AKAP19: variants seen among roughly 807,000 people sequenced by gnomAD.
AKAP19 encodes small A-kinase anchoring protein.
At chr2:189,990,274 C>T in the AKAP19 span, among the ~76,000 whole-genome samples, 18 of 152,228 alleles carry the variant, frequency 1.2e-4, no homozygotes, top group East Asian at 3.5e-3. Context: ...TATAAATGCC[C>T]TTTATCAGAT....
the AKAP19 span, among the ~76,000 whole-genome samples, chr2:190,040,600 C>T: frequency 6.6e-6 from 1 of 152,102 alleles, no homozygotes; most frequent in Non-Finnish European, 1.5e-5. Context: ...TTTGCCTATT[C>T]TTATGTCCAG....
the AKAP19 span, among the ~76,000 whole-genome samples, chr2:189,928,901 A>T: frequency 6.6e-6 from 1 of 152,140 alleles, no homozygotes. Context: ...CTTTACTGTT[A>T]TGTCACTGAA....
chr2:190,045,907 A>T, the AKAP19 span, among the ~76,000 whole-genome samples: 1 of 152,106 alleles, frequency 6.6e-6, no homozygotes, highest in Non-Finnish European at 1.5e-5. Flanking sequence ...GACTCCACAT[A>T]GCCGTGTCTG....
At chr2:189,907,019 C>T in the AKAP19 span, among the ~76,000 whole-genome samples, 31 of 152,274 alleles carry the variant, frequency 2.0e-4, no homozygotes, top group Admixed American at 3.3e-4. Flanking sequence ...TTGCCCTCAT[C>T]TCTCACCTAG....
At chr2:189,989,319 C>A in the AKAP19 span, among the ~76,000 whole-genome samples, 1 of 151,688 alleles carries the variant, frequency 6.6e-6, no homozygotes, top group South Asian at 2.1e-4. Flanking sequence ...AAAGGAAAAG[C>A]AGAACAAATC....
At chr2:189,997,108 G>A in the AKAP19 span, among the ~76,000 whole-genome samples, 1 of 152,236 alleles carries the variant, frequency 6.6e-6, no homozygotes, top group African/African-American at 2.4e-5. Context: ...GAGAGACTCA[G>A]GACCTCTGGT....
the AKAP19 span, among the ~76,000 whole-genome samples, chr2:190,128,735 T>C: frequency 2.2e-4 from 34 of 152,340 alleles, no homozygotes; most frequent in South Asian, 4.1e-4. Context: ...ATGTAACACG[T>C]ATTATACAAA....
chr2:190,094,175 T>C, the AKAP19 span, among the ~76,000 whole-genome samples: 1 of 152,248 alleles, frequency 6.6e-6, no homozygotes, highest in South Asian at 2.1e-4. Context: ...ATGAGTGGGC[T>C]TGAGCAACAG....
At chr2:190,174,051 T>C in the AKAP19 span, among the ~76,000 whole-genome samples, 1 of 152,120 alleles carries the variant, frequency 6.6e-6, no homozygotes, top group Non-Finnish European at 1.5e-5. Context: ...ACCCTGCCAC[T>C]CCGGCTCCTA....
chr2:190,005,515 T>G, the AKAP19 span, among the ~76,000 whole-genome samples: 1 of 152,252 alleles, frequency 6.6e-6, no homozygotes, highest in Admixed American at 6.5e-5. Flanking sequence ...CACCTTCTCC[T>G]CAGCCTCATT....
the AKAP19 span, among the ~76,000 whole-genome samples, chr2:190,193,687 C>T: frequency 6.6e-6 from 1 of 152,030 alleles, no homozygotes; most frequent in Non-Finnish European, 1.5e-5. Flanking sequence ...TCATAATGCC[C>T]ATTACACATC....
chr2:190,083,683 T>G, the AKAP19 span, among the ~76,000 whole-genome samples: 5 of 152,196 alleles, frequency 3.3e-5, no homozygotes, highest in African/African-American at 1.2e-4. Flanking sequence ...CATGCAACAT[T>G]GTTAGGTTAA....
the AKAP19 span, among the ~76,000 whole-genome samples, chr2:190,089,251 C>CATTT: frequency 6.6e-5 from 10 of 151,942 alleles, no homozygotes; most frequent in Non-Finnish European, 1.2e-4. Flanking sequence ...TGATTCTTTT[C>CATTT]ATTTATTTAT....
the AKAP19 span, among the ~76,000 whole-genome samples, chr2:190,131,976 G>T: frequency 1.3e-5 from 2 of 152,104 alleles, no homozygotes. Context: ...AAGTTATTTT[G>T]CAGGATACAG....
At chr2:190,082,877 C>G in the AKAP19 span, among the ~76,000 whole-genome samples, 1 of 152,152 alleles carries the variant, frequency 6.6e-6, no homozygotes, top group Admixed American at 6.5e-5. Context: ...TCTACTTGTT[C>G]CAAATGTAAT....
the AKAP19 span, chr2:189,923,695 T>C: frequency 1.9e-6 from 3 of 1,613,794 alleles, no homozygotes; most frequent in African/African-American, 2.7e-5. Context: ...GGGACTATTA[T>C]GATAGGATGT....
chr2:189,963,045 G>T, the AKAP19 span, among the ~76,000 whole-genome samples: 2 of 151,990 alleles, frequency 1.3e-5, no homozygotes, highest in African/African-American at 4.8e-5. Context: ...TAAATCCTTT[G>T]TTGTCATTTT....
At chr2:189,909,751 CTTAATT>C in the AKAP19 span, among the ~76,000 whole-genome samples, 2 of 151,856 alleles carry the variant, frequency 1.3e-5, no homozygotes, top group African/African-American at 2.4e-5. Flanking sequence ...TTTAAGATTT[CTTAATT>C]TTATTAGGCA....
the AKAP19 span, among the ~76,000 whole-genome samples, chr2:190,143,446 C>T: frequency 6.6e-6 from 1 of 152,128 alleles, no homozygotes; most frequent in Non-Finnish European, 1.5e-5. Context: ...GGAAGCCTTC[C>T]TTGGCAAATG....
Sources: gnomAD v4.1 joint callset for allele counts (sites outside exome capture counted in the v4.1 genomes callset) on GRCh38, gnomAD v4.1.1 for gene constraint, MANE v1.5 for transcripts, NCBI Gene and HGNC (gene_info 2026-07-23, HGNC 2026-07-21) for gene names.